The following ADK variants were observed in gnomAD, a reference collection of about 807,000 sequenced individuals.
ADK encodes the protein N6,N6-dimethyladenosine kinase.
A neutral mutation model predicts 44.7 loss-of-function variants in ADK; 24 were observed. The observed-to-expected ratio is 0.54, with a 90% CI of 0.39 to 0.76. ADK has a LOEUF of 0.76. ADK is among the 30% of genes least tolerant of loss of function. The probability of loss-of-function intolerance (pLI) is 0.00; values close to 1 mark genes in which losing one functional copy is unlikely to be tolerated. For missense variants in ADK, 321 were observed against 425.1 expected, an observed-to-expected ratio of 0.76 and a Z score of 2.15; for synonymous variants, 128 against 142.6, an observed-to-expected ratio of 0.90 and a Z score of 0.73.
intron 6 of ADK, 72 bp from the exon 7 acceptor site, chr10:74,525,184 T>C: frequency 7.0e-7 from 1 of 1,420,412 alleles, no homozygotes. Context: ...TTTGTATAGG[T>C]TTCTTTTATT....
At chr10:74,543,223 A>G in intron 7 of ADK, among the ~76,000 whole-genome samples, 1 of 151,844 alleles carries the variant, frequency 6.6e-6, no homozygotes, top group East Asian at 1.9e-4. Context: ...AAAAAAAAAA[A>G]AACTGAGACA....
chr10:74,563,952 TTACCTATGTA>T (rs969597753), intron 7 of ADK, among the ~76,000 whole-genome samples: 8 of 152,232 alleles, frequency 5.3e-5, no homozygotes, highest in African/African-American at 1.9e-4. Context: ...TGCAGGTTAG[TTACCTATGTA>T]TACATGTGCC....
chr10:74,229,484 G>A (rs1353818915), intron 3 of ADK, among the ~76,000 whole-genome samples: 1 of 140,278 alleles, frequency 7.1e-6, no homozygotes, highest in Non-Finnish European at 1.5e-5. Flanking sequence ...TGCAAGCTCC[G>A]CCTCCTGGGT....
At chr10:74,180,975 A>G (rs963281035) in intron 1 of ADK, among the ~76,000 whole-genome samples, 5 of 152,268 alleles carry the variant, frequency 3.3e-5, no homozygotes, top group Non-Finnish European at 1.5e-5. Context: ...AAGCATTTTA[A>G]AAATAGAATA....
At chr10:74,469,829 C>T (rs1368048462) in intron 6 of ADK, among the ~76,000 whole-genome samples, 1 of 152,160 alleles carries the variant, frequency 6.6e-6, no homozygotes, top group African/African-American at 2.4e-5. Context: ...CCATTCCACT[C>T]TGATTCCGTG....
intron 6 of ADK, among the ~76,000 whole-genome samples, chr10:74,424,601 C>T (rs1844724206): frequency 1.4e-5 from 2 of 147,768 alleles, no homozygotes; most frequent in Admixed American, 6.7e-5. Flanking sequence ...AGAGGGTAAC[C>T]ATTATCCTAA....
intron 9 of ADK, among the ~76,000 whole-genome samples, chr10:74,644,826 G>C (rs779392118): frequency 6.6e-6 from 1 of 152,060 alleles, no homozygotes; most frequent in Non-Finnish European, 1.5e-5. Flanking sequence ...CACCATACCC[G>C]GCCTGGTTTT....
intron 7 of ADK, among the ~76,000 whole-genome samples, chr10:74,572,902 A>T (rs1404581479): frequency 6.6e-6 from 1 of 151,992 alleles, no homozygotes; most frequent in Non-Finnish European, 1.5e-5. Flanking sequence ...TTATATATTC[A>T]TCTAAATTTT....
intron 6 of ADK, among the ~76,000 whole-genome samples, chr10:74,441,519 A>G (rs1438958678): frequency 6.6e-6 from 1 of 152,234 alleles, no homozygotes; most frequent in Non-Finnish European, 1.5e-5. Context: ...CTGAATGGAT[A>G]AATAAAATTA....
intron 7 of ADK, chr10:74,527,881 G>C: frequency 1.2e-6 from 1 of 864,896 alleles, no homozygotes; most frequent in South Asian, 1.3e-5. Context: ...CGTCAGTACA[G>C]GAAAAGGCAA....
At chr10:74,601,573 G>A (rs1275889806) in intron 9 of ADK, among the ~76,000 whole-genome samples, 1 of 152,054 alleles carries the variant, frequency 6.6e-6, no homozygotes, top group Non-Finnish European at 1.5e-5. Context: ...AATGAAATGA[G>A]ACTGGTAATG....
At chr10:74,323,303 C>T (rs1840881839) in intron 4 of ADK, among the ~76,000 whole-genome samples, 1 of 152,130 alleles carries the variant, frequency 6.6e-6, no homozygotes, top group African/African-American at 2.4e-5. Flanking sequence ...AATTGGTTGA[C>T]AAGGATGGTC....
intron 7 of ADK, among the ~76,000 whole-genome samples, chr10:74,526,822 A>G (rs1849060497): frequency 6.6e-6 from 1 of 152,226 alleles, no homozygotes; most frequent in African/African-American, 2.4e-5. Flanking sequence ...ACTAAGATCT[A>G]CCATTTAGTT....
chr10:74,555,909 T>C (rs1850230439), intron 7 of ADK, among the ~76,000 whole-genome samples: 1 of 152,312 alleles, frequency 6.6e-6, no homozygotes, highest in Admixed American at 6.5e-5. Context: ...AATTTTCCTA[T>C]TGACTACATC....
intron 4 of ADK, among the ~76,000 whole-genome samples, chr10:74,332,310 T>C (rs972598188): frequency 1.3e-5 from 2 of 152,234 alleles, no homozygotes; most frequent in Non-Finnish European, 2.9e-5. Flanking sequence ...CTGAAATGAT[T>C]GTATTTTTTT....
At chr10:74,152,992 T>C (rs1156860922) in intron 1 of ADK, among the ~76,000 whole-genome samples, 1 of 152,192 alleles carries the variant, frequency 6.6e-6, no homozygotes, top group Non-Finnish European at 1.5e-5. Context: ...TTACTTTTAT[T>C]ATATTAATTT....
chr10:74,648,662 GCGAGACTC>G (rs1854141860), intron 9 of ADK, among the ~76,000 whole-genome samples: 1 of 151,700 alleles, frequency 6.6e-6, no homozygotes, highest in Non-Finnish European at 1.5e-5. Flanking sequence ...TGGTGACAAA[GCGAGACTC>G]CATCTCAAAA....
At chr10:74,313,412 A>G (rs1840513200) in intron 3 of ADK, among the ~76,000 whole-genome samples, 1 of 151,986 alleles carries the variant, frequency 6.6e-6, no homozygotes, top group Non-Finnish European at 1.5e-5. Flanking sequence ...TGCCTTATTA[A>G]CCTGATAATT....
At chr10:74,449,889 G>A (rs1476042773) in intron 6 of ADK, among the ~76,000 whole-genome samples, 1 of 152,180 alleles carries the variant, frequency 6.6e-6, no homozygotes, top group Non-Finnish European at 1.5e-5. Flanking sequence ...ATGGTTTGTT[G>A]TTTAGGTTGA....
Sources: allele counts gnomAD v4.1 joint callset (sites outside exome capture counted in the v4.1 genomes callset), GRCh38; gene constraint gnomAD v4.1.1; transcripts MANE v1.5; gene names NCBI Gene and HGNC (gene_info 2026-07-23, HGNC 2026-07-21).